Variants in SUGCT observed in about 807,000 individuals in gnomAD.
SUGCT encodes the protein succinyl-CoA:glutarate-CoA transferase, also known as succinyl-CoA:glutarate CoA-transferase.
SUGCT carries 41 observed loss-of-function variants against 55.0 expected under a neutral mutation model. The ratio of observed to expected loss-of-function variants is 0.74; its 90% CI spans 0.58 to 0.97. SUGCT has a LOEUF of 0.97. Among genes scored for constraint, SUGCT ranks in the 50% least tolerant of loss-of-function variants. The pLI is 0.00. For synonymous variants in SUGCT, 187 were observed against 200.4 expected, an observed-to-expected ratio of 0.93 and a Z score of 0.56; for missense variants, 568 against 547.8, an observed-to-expected ratio of 1.04 and a Z score of -0.37.
chr7:40,200,229 C>G (rs1786514414), intron 6 of SUGCT, among the ~76,000 whole-genome samples: 1 of 152,142 alleles, frequency 6.6e-6, no homozygotes, highest in Non-Finnish European at 1.5e-5. Context: ...GTTGAGTGCT[C>G]AGGGCAAACA....
chr7:40,852,602 T>C (rs1430946635), intron 13 of SUGCT, among the ~76,000 whole-genome samples: 1 of 149,118 alleles, frequency 6.7e-6, no homozygotes, highest in African/African-American at 2.5e-5. Flanking sequence ...CTAGCCACAC[T>C]AGATCATTTT....
chr7:40,836,479 G>A (rs986595980), intron 13 of SUGCT, among the ~76,000 whole-genome samples: 6 of 152,044 alleles, frequency 3.9e-5, no homozygotes, highest in Admixed American at 2.0e-4. Flanking sequence ...TGTGTGGTGA[G>A]CGTGTGTGTT....
At chr7:40,730,129 A>G (rs1786818852) in intron 12 of SUGCT, among the ~76,000 whole-genome samples, 1 of 152,132 alleles carries the variant, frequency 6.6e-6, no homozygotes, top group Admixed American at 6.5e-5. Context: ...TGTTTTTGAG[A>G]CGGAGTCTTG....
chr7:40,163,942 C>T (rs1030655964), intron 1 of SUGCT, among the ~76,000 whole-genome samples: 2 of 151,862 alleles, frequency 1.3e-5, no homozygotes, highest in African/African-American at 4.8e-5. Flanking sequence ...CTGCCTCAGT[C>T]TCCCAGATAG....
intron 12 of SUGCT, among the ~76,000 whole-genome samples, chr7:40,507,158 G>T (rs1792653454): frequency 6.6e-6 from 1 of 152,010 alleles, no homozygotes; most frequent in Non-Finnish European, 1.5e-5. Context: ...GAACACTTTA[G>T]ATCTCCCCTC....
At chr7:40,292,521 A>T (rs1793852559) in intron 8 of SUGCT, among the ~76,000 whole-genome samples, 1 of 152,198 alleles carries the variant, frequency 6.6e-6, no homozygotes, top group African/African-American at 2.4e-5. Flanking sequence ...GTCCTTTATG[A>T]AATGATGATT....
chr7:40,639,170 G>T (rs1800151762), intron 12 of SUGCT, among the ~76,000 whole-genome samples: 1 of 152,088 alleles, frequency 6.6e-6, no homozygotes, highest in Non-Finnish European at 1.5e-5. Flanking sequence ...TATACTATCT[G>T]TTTATAGCCC....
intron 2 of SUGCT, among the ~76,000 whole-genome samples, chr7:40,181,572 C>T (rs865953974): frequency 6.6e-5 from 10 of 151,758 alleles, no homozygotes; most frequent in Admixed American, 3.3e-4. Flanking sequence ...GGTGAAACCC[C>T]GTCTCTACTA....
intron 9 of SUGCT, among the ~76,000 whole-genome samples, chr7:40,448,797 T>A (rs902672796): frequency 2.0e-5 from 3 of 152,090 alleles, no homozygotes; most frequent in Non-Finnish European, 2.9e-5. Flanking sequence ...GCTGAGATCG[T>A]GCCATTGCAT....
chr7:40,777,737 C>T (rs1284562895), intron 13 of SUGCT, among the ~76,000 whole-genome samples: 2 of 151,762 alleles, frequency 1.3e-5, no homozygotes, highest in African/African-American at 4.8e-5. Context: ...TTTTTCTTCT[C>T]AAGGCATTCT....
intron 12 of SUGCT, among the ~76,000 whole-genome samples, chr7:40,711,506 A>G (rs890726541): frequency 6.6e-6 from 1 of 152,176 alleles, no homozygotes; most frequent in Non-Finnish European, 1.5e-5. Flanking sequence ...TATCTAAAAA[A>G]AAAGAAAGAA....
At chr7:40,368,604 A>C (rs1238971171) in intron 9 of SUGCT, among the ~76,000 whole-genome samples, 1 of 152,236 alleles carries the variant, frequency 6.6e-6, no homozygotes, top group Non-Finnish European at 1.5e-5. Context: ...TCAGACTTCA[A>C]GTACAAAGCA....
At chr7:40,676,295 C>A (rs1783974094) in intron 12 of SUGCT, among the ~76,000 whole-genome samples, 1 of 152,120 alleles carries the variant, frequency 6.6e-6, no homozygotes, top group African/African-American at 2.4e-5. Context: ...GCTACTATTA[C>A]TTTTCTAACA....
At chr7:41,001,397 A>G in the SUGCT span, among the ~76,000 whole-genome samples, 9 of 152,206 alleles carry the variant, frequency 5.9e-5, no homozygotes, top group Non-Finnish European at 1.3e-4. Context: ...TATAGGGGGA[A>G]TAGAAGTCTT....
chr7:40,572,532 C>T (rs895549374), intron 12 of SUGCT, among the ~76,000 whole-genome samples: 1 of 151,974 alleles, frequency 6.6e-6, no homozygotes, highest in African/African-American at 2.4e-5. Context: ...CTGAGCCCCC[C>T]AGCAAGTAGT....
At chr7:40,309,583 C>T (rs1395113559) in intron 8 of SUGCT, among the ~76,000 whole-genome samples, 3 of 152,188 alleles carry the variant, frequency 2.0e-5, no homozygotes, top group Admixed American at 2.0e-4. Flanking sequence ...ACATGAGCCA[C>T]TGCACCTGGC....
intron 12 of SUGCT, among the ~76,000 whole-genome samples, chr7:40,537,834 TAGAC>T (rs1477509733): frequency 6.6e-6 from 1 of 152,210 alleles, no homozygotes; most frequent in African/African-American, 2.4e-5. Flanking sequence ...AGGCTAATCT[TAGAC>T]GATTTAACTA....
chr7:40,773,704 A>G (rs746257522), intron 13 of SUGCT, among the ~76,000 whole-genome samples: 1 of 152,212 alleles, frequency 6.6e-6, no homozygotes, highest in Non-Finnish European at 1.5e-5. Flanking sequence ...AGAATAGTTG[A>G]CCTCTAGATA....
At chr7:40,856,503 G>A (rs1173418055) in intron 13 of SUGCT, among the ~76,000 whole-genome samples, 2 of 152,164 alleles carry the variant, frequency 1.3e-5, no homozygotes, top group Non-Finnish European at 2.9e-5. Context: ...GACAGTACAT[G>A]AAATAATGAG....
Sources: gnomAD v4.1 joint callset for allele counts (sites outside exome capture counted in the v4.1 genomes callset) on GRCh38, gnomAD v4.1.1 for gene constraint, MANE v1.5 for transcripts, NCBI Gene and HGNC (gene_info 2026-07-23, HGNC 2026-07-21) for gene names.